Variants in PNPLA1 observed in about 807,000 individuals in gnomAD.
PNPLA1 encodes the protein patatin like domain 1, omega-hydroxyceramide transacylase.
PNPLA1 carries 36 observed loss-of-function variants against 51.7 expected under a neutral mutation model. The observed-to-expected ratio is 0.70, with a 90% CI of 0.53 to 0.92. The LOEUF is 0.92. PNPLA1 is among the 40% of genes least tolerant of loss of function. The pLI, the probability that PNPLA1 is intolerant of heterozygous loss-of-function variation, is 0.00. For synonymous variants in PNPLA1, 293 were observed against 280.1 expected (o/e 1.05, Z -0.46); for missense variants, 658 against 682.5 (o/e 0.96, Z 0.40).
Position 36,291,547 on chromosome 6 carries a change from A to G in PNPLA1, c.433A>G (p.Ile145Val), listed in dbSNP as rs1371069398. ...AGAGTTCACGTCCAAGGAGGAGCTCATTGAGGCAAGGGGGCTGGGCTGGGA... is the reference window on the plus strand; with the variant it reads ...AGAGTTCACGTCCAAGGAGGAGCTCGTTGAGGCAAGGGGGCTGGGCTGGGA... ...VSEFTSKEEL[I>V]EALYCSCFVP... The change falls in exon 2 of 9, where the codon ATT becomes GTT. Residue 145 changes from isoleucine (I) to valine (V), a missense_variant. Ile to Val is a conservative substitution (Grantham distance 29). Coordinates refer to ENST00000636260, the MANE Select transcript of PNPLA1 (RefSeq NM_001374623.1). 10 of 836,392 alleles carry G rather than the reference A, an allele frequency of 1.2e-5. No individual in the cohort carries two copies. The African/African-American group carries it at 1.3e-4, about 11-fold the overall frequency. The allele number at this position is 836,392 out of a possible 1,614,324, so 51.8% of individuals were successfully genotyped here.
At chr6:36,268,375 G>A (rs1769811583), upstream of PNPLA1, among the ~76,000 whole-genome samples, 1 of 152,170 alleles carries the variant, frequency 6.6e-6, no homozygotes, top group Admixed American at 6.5e-5. Context: ...GGAAAACTGA[G>A]GCCCAGAGAG....
intron 8 of PNPLA1, among the ~76,000 whole-genome samples, chr6:36,308,888 G>A (rs1771323408): frequency 2.0e-5 from 3 of 152,144 alleles, no homozygotes; most frequent in South Asian, 4.1e-4. Flanking sequence ...CCAGCTATTC[G>A]GGAGGCTGAG....
intron 1 of PNPLA1, among the ~76,000 whole-genome samples, chr6:36,289,633 C>T (rs1203708037): frequency 6.6e-6 from 1 of 151,690 alleles, no homozygotes; most frequent in Non-Finnish European, 1.5e-5. Context: ...AGGCTGTCAC[C>T]ATGGCAACCC....
chr6:36,301,753 CT>C, intron 5 of PNPLA1, 107 bp from the exon 6 acceptor site: 1 of 1,397,184 alleles, frequency 7.2e-7, no homozygotes, highest in Non-Finnish European at 9.7e-7. Flanking sequence ...ACAGAAAGAC[CT>C]TTGAAAAGCA....
At chr6:36,244,095 A>G (rs1197543537) in intron 1 of PNPLA1, among the ~76,000 whole-genome samples, 1 of 152,166 alleles carries the variant, frequency 6.6e-6, no homozygotes, top group South Asian at 2.1e-4. Context: ...GAGCCCATGC[A>G]CAGCGTTTCT....
intron 8 of PNPLA1, among the ~76,000 whole-genome samples, chr6:36,310,067 T>G (rs913954600): frequency 3.9e-5 from 6 of 152,226 alleles, no homozygotes; most frequent in African/African-American, 1.2e-4. Context: ...TGATGCAAAC[T>G]GTATTAGTCA....
intron 1 of PNPLA1, 24 bp from the exon 2 acceptor site, chr6:36,291,296 C>A: frequency 6.2e-7 from 1 of 1,603,594 alleles, no homozygotes; most frequent in South Asian, 1.1e-5. Flanking sequence ...ACCGACCACC[C>A]CCTCTTCTCT....
chr6:36,300,178 T>TGTGTGTGAGAGGGAGAGAGAGAGAGA, intron 5 of PNPLA1, among the ~76,000 whole-genome samples: 1 of 98,088 alleles, frequency 1.0e-5, no homozygotes, highest in Non-Finnish European at 2.3e-5. Flanking sequence ...TGTGTGTGTG[T>TGTGTGTGAGAGGGAGAGAGAGAGAGA]GAGAGAGAGA....
At chr6:36,307,797 G>A in intron 8 of PNPLA1, 85 bp downstream of exon 8, 1 of 1,519,020 alleles carries the variant, frequency 6.6e-7, no homozygotes, top group Non-Finnish European at 8.9e-7. Context: ...GAATAGAGGA[G>A]AGTGTAAGGG....
At chr6:36,251,920 G>C (rs997123401) in intron 1 of PNPLA1, among the ~76,000 whole-genome samples, 1 of 152,122 alleles carries the variant, frequency 6.6e-6, no homozygotes, top group African/African-American at 2.4e-5. Context: ...ACTTCAGCCT[G>C]GATGACAGAG....
intron 1 of PNPLA1, among the ~76,000 whole-genome samples, chr6:36,245,665 T>A (rs560874263): frequency 2.0e-4 from 31 of 152,346 alleles, no homozygotes; most frequent in African/African-American, 6.7e-4. Context: ...GGGAGCTGCA[T>A]CCGCTCTTCT....
intron 1 of PNPLA1, among the ~76,000 whole-genome samples, chr6:36,244,544 T>C (rs903603278): frequency 6.6e-6 from 1 of 152,294 alleles, no homozygotes; most frequent in Admixed American, 6.5e-5. Flanking sequence ...CCCGACCTTA[T>C]GCAGTTACAA....
intron 1 of PNPLA1, among the ~76,000 whole-genome samples, chr6:36,283,949 C>T (rs1694958876): frequency 6.6e-6 from 1 of 152,176 alleles, no homozygotes; most frequent in South Asian, 2.1e-4. Context: ...CTGGGTCCAC[C>T]AAAGAAAACA....
Position 36,306,306 on chromosome 6 carries a change from G to T in PNPLA1, c.1399G>T (p.Val467Phe). ...QEQPQAVALL[V>F]SSKPKSAVPL... ...TTTACTTTTAGCTGTAGCTCTTCTT[G>T]TCTCTTCAAAACCAAAAAGCGCCGT... is the stretch of plus-strand genomic sequence containing the variant. Residue 467 changes from valine to phenylalanine, a missense_variant, in exon 7 of 9, where the codon GTC becomes TTC. Physicochemically the swap from Val to Phe is conservative, Grantham distance 50. Coordinates refer to ENST00000636260, the MANE Select transcript of PNPLA1 (RefSeq NM_001374623.1). 1 of 1,611,404 alleles carries T rather than the reference G, an allele frequency of 6.2e-7. No individual in the cohort carries two copies. The highest frequency in any genetic ancestry group is 8.5e-7 in the Non-Finnish European group (1 of 1,178,914).
At position 36,309,050 on chromosome 6, in the gene PNPLA1, T is replaced by A. The variant is rs574352458; in HGVS notation, c.1595+1338T>A. 4.5e-4 allele frequency among the ~76,000 whole-genome samples: 68 copies of A among 152,240 alleles called. 2 individuals are homozygous for A. The South Asian group carries it at 0.014, about 31-fold the overall frequency. On this transcript the variant is annotated intron_variant, in intron 8 of 8. Coordinates refer to ENST00000636260, the MANE Select transcript of PNPLA1 (RefSeq NM_001374623.1). ...CATTCTGAGCAACATCCTTCCTGGT[T>A]GTTCTTGTCCCAAGTGGGGTCCCTG...
chr6:36,307,743 C>T (rs746699583), intron 8 of PNPLA1, 31 bp downstream of exon 8: 33 of 1,610,848 alleles, frequency 2.0e-5, no homozygotes, highest in Non-Finnish European at 2.3e-5. Flanking sequence ...TTAAATCCCA[C>T]GGAGAGGAGC....
chr6:36,249,266 T>G (rs1769371860), intron 1 of PNPLA1, among the ~76,000 whole-genome samples: 1 of 152,144 alleles, frequency 6.6e-6, no homozygotes, highest in Non-Finnish European at 1.5e-5. Flanking sequence ...TCCTTTTATT[T>G]CCTGAGAACT....
intron 1 of PNPLA1, among the ~76,000 whole-genome samples, chr6:36,288,780 T>TA (rs147957919): frequency 6.6e-6 from 1 of 151,746 alleles, no homozygotes. Flanking sequence ...TTTAAAAAAA[T>TA]AAAAAAATCA....
At chr6:36,265,719 A>G (rs1769745481), upstream of PNPLA1, among the ~76,000 whole-genome samples, 1 of 152,222 alleles carries the variant, frequency 6.6e-6, no homozygotes, top group South Asian at 2.1e-4. Context: ...CATCATAGGA[A>G]GCACACACAC....
Sources: allele counts gnomAD v4.1 joint callset (sites outside exome capture counted in the v4.1 genomes callset), GRCh38; gene constraint gnomAD v4.1.1; transcripts MANE v1.5; gene names NCBI Gene and HGNC (gene_info 2026-07-23, HGNC 2026-07-21).